Variants in KIF2A observed in about 807,000 individuals in gnomAD.
KIF2A encodes kinesin family member 2A, also known as kinesin-like protein KIF2A.
In KIF2A, 22 loss-of-function variants were observed where a neutral mutation model predicts 100.2. The ratio of observed to expected loss-of-function variants is 0.22; its 90% confidence interval spans 0.16 to 0.31. The LOEUF (loss-of-function observed/expected upper bound fraction) is 0.31, where lower values mean the gene tolerates loss of function less well. Ranked by LOEUF, KIF2A falls within the 10% of genes least tolerant of loss-of-function variation. KIF2A has a pLI of 1.00. For synonymous variants in KIF2A, 268 were observed against 285.9 expected (o/e 0.94, Z 0.63); for missense variants, 495 against 898.7 (o/e 0.55, Z 5.74).
intron 1 of KIF2A, chr5:62,308,620 A>G (rs1436719268): frequency 4.3e-6 from 3 of 697,848 alleles, no homozygotes; most frequent in Non-Finnish European, 7.8e-6. Context: ...CCTACTGTTT[A>G]CCACAACATA....
intron 1 of KIF2A, among the ~76,000 whole-genome samples, chr5:62,324,764 A>G (rs767019527): frequency 4.6e-5 from 7 of 152,234 alleles, no homozygotes; most frequent in Non-Finnish European, 1.0e-4. Context: ...CCACTGGAAG[A>G]AAACCTAGCA....
At chr5:62,384,629 T>C (rs1441156088) in intron 20 of KIF2A, among the ~76,000 whole-genome samples, 1 of 152,230 alleles carries the variant, frequency 6.6e-6, no homozygotes, top group Non-Finnish European at 1.5e-5. Context: ...TATTGAAAGA[T>C]AGCTTATCTT....
intron 1 of KIF2A, among the ~76,000 whole-genome samples, chr5:62,334,704 CCAAA>C (rs1324227225): frequency 6.6e-6 from 1 of 152,146 alleles, no homozygotes; most frequent in Non-Finnish European, 1.5e-5. Context: ...CAGCAGCTAC[CCAAA>C]CAGTTTTTGC....
At chr5:62,324,677 A>AC (rs970890135) in intron 1 of KIF2A, among the ~76,000 whole-genome samples, 12 of 152,198 alleles carry the variant, frequency 7.9e-5, no homozygotes, top group African/African-American at 2.9e-4. Flanking sequence ...TTGAAACTGG[A>AC]CCCCTTCCTT....
intron 16 of KIF2A, among the ~76,000 whole-genome samples, chr5:62,371,907 T>C (rs1272491937): frequency 6.6e-6 from 1 of 152,194 alleles, no homozygotes; most frequent in South Asian, 2.1e-4. Context: ...CCACTGAAAA[T>C]AGAGTGAATA....
chr5:62,322,835 T>A (rs1289058590), intron 1 of KIF2A, among the ~76,000 whole-genome samples: 2 of 144,596 alleles, frequency 1.4e-5, no homozygotes, highest in African/African-American at 2.5e-5. Flanking sequence ...AAATGGTAAA[T>A]ATGGTAAAGA....
At chr5:62,341,000 A>G (rs886898351) in intron 1 of KIF2A, among the ~76,000 whole-genome samples, 8 of 152,202 alleles carry the variant, frequency 5.3e-5, no homozygotes, top group Non-Finnish European at 1.2e-4. Context: ...TATTGTAGGT[A>G]GTGTAGATGG....
chr5:62,348,012 T>C (rs1232035861), intron 2 of KIF2A, 36 bp from the exon 3 acceptor site: 2 of 1,587,444 alleles, frequency 1.3e-6, no homozygotes, highest in Non-Finnish European at 1.7e-6. Context: ...TGTCAAAATA[T>C]ACTCTCAAAA....
At chr5:62,343,988 C>G (rs1257230457) in intron 1 of KIF2A, among the ~76,000 whole-genome samples, 1 of 152,130 alleles carries the variant, frequency 6.6e-6, no homozygotes, top group Non-Finnish European at 1.5e-5. Context: ...TTACATCTGA[C>G]CAAGGTTTAG....
chr5:62,387,693 GAT>G lies in KIF2A; in HGVS notation c.*2126_*2127del, dbSNP rs1742102173. 6.6e-6 allele frequency: 1 copy of G among 152,028 alleles called. No homozygotes were observed. The highest frequency in any genetic ancestry group is 1.5e-5 in the Non-Finnish European group (1 of 68,000). The allele number at this position is 152,028 out of a possible 1,614,324, so 9.4% of individuals were successfully genotyped here. On this transcript the variant is annotated 3_prime_UTR_variant, in exon 21 of 21. Coordinates refer to ENST00000407818, the MANE Select transcript of KIF2A (RefSeq NM_001098511.3). ...TAAATCTTAAAATTTTTACTATAAG[GAT>G]AGAGATGATACAAGTGAACTCTGCA...
chr5:62,325,147 CAG>C (rs1339119482), intron 1 of KIF2A, among the ~76,000 whole-genome samples: 1 of 151,730 alleles, frequency 6.6e-6, no homozygotes, highest in Non-Finnish European at 1.5e-5. Flanking sequence ...TTTTTTGAGA[CAG>C]AGTCTCGCTC....
chr5:62,378,875 A>G (rs1370310684), intron 19 of KIF2A, among the ~76,000 whole-genome samples: 1 of 152,154 alleles, frequency 6.6e-6, no homozygotes, highest in East Asian at 1.9e-4. Context: ...AGATCACACC[A>G]CTGCACTCCA....
At chr5:62,347,822 C>T (rs1229106382) in intron 2 of KIF2A, among the ~76,000 whole-genome samples, 2 of 151,958 alleles carry the variant, frequency 1.3e-5, no homozygotes, top group African/African-American at 4.8e-5. Context: ...TGGGGTTTCA[C>T]CATGTTGCCC....
At position 62,390,068 on chromosome 5, in the gene KIF2A, T is replaced by TGTG. The variant is rs1742233321; in HGVS notation, c.*4500_*4502dup. Among the ~76,000 whole-genome samples, 1 of 152,202 alleles carries TGTG rather than the reference T, an allele frequency of 6.6e-6. No homozygotes were observed. Among genetic ancestry groups the TGTG allele is most frequent in the Admixed American group, 6.5e-5 (1 of 15,280 alleles). On this transcript the variant is annotated 3_prime_UTR_variant, in exon 21 of 21. Coordinates refer to ENST00000407818, the MANE Select transcript of KIF2A (RefSeq NM_001098511.3). ...TCCATTTGTCTTAGTTATATAGAAC[T>TGTG]GTGTTTCCAGCTTAGAAAAAGTCAA...
At chr5:62,340,553 C>T (rs1747241944) in intron 1 of KIF2A, among the ~76,000 whole-genome samples, 1 of 151,652 alleles carries the variant, frequency 6.6e-6, no homozygotes, top group Admixed American at 6.6e-5. Context: ...TGCATGATCC[C>T]TATTAACAAC....
intron 16 of KIF2A, among the ~76,000 whole-genome samples, chr5:62,367,905 T>TAGTATAGCAGTTCTCTTAATTCA (rs1741152268): frequency 6.6e-6 from 1 of 152,250 alleles, no homozygotes; most frequent in Admixed American, 6.5e-5. Flanking sequence ...AATCCATTTC[T>TAGTATAGCAGTTCTCTTAATTCA]AGTATAGCAG....
At chr5:62,385,423 G>C in intron 20 of KIF2A, 61 bp from the exon 21 acceptor site, 1 of 1,187,650 alleles carries the variant, frequency 8.4e-7, no homozygotes, top group Non-Finnish European at 1.2e-6. Flanking sequence ...AACCCATAAA[G>C]TTGTAAACTC....
intron 1 of KIF2A, chr5:62,308,511 G>A (rs1017367055): frequency 3.9e-5 from 28 of 709,176 alleles, no homozygotes; most frequent in Middle Eastern, 2.3e-4. Flanking sequence ...TCCATCGATG[G>A]GTGAGGAATG....
chr5:62,390,969 T>C lies in KIF2A; in HGVS notation c.*5400T>C. 1 of 1,613,330 alleles carries C rather than the reference T, an allele frequency of 6.2e-7. No homozygotes were observed. Among genetic ancestry groups the C allele is most frequent in the Non-Finnish European group, 8.5e-7 (1 of 1,179,680 alleles). ...CTGTATTTTATCTGCTATGCTGAAA[T>C]CTTCTGGTATTATCTATCAATATAA... is the stretch of plus-strand genomic sequence containing the variant. On this transcript the variant is annotated 3_prime_UTR_variant, in exon 21 of 21. Transcript: ENST00000407818.
Sources: allele counts gnomAD v4.1 joint callset (sites outside exome capture counted in the v4.1 genomes callset), GRCh38; gene constraint gnomAD v4.1.1; transcripts MANE v1.5; gene names NCBI Gene and HGNC (gene_info 2026-07-23, HGNC 2026-07-21).